MMS22L: variants seen among roughly 807,000 people sequenced by gnomAD.
MMS22L encodes MMS22 like, DNA repair protein.
A neutral mutation model predicts 159.1 loss-of-function variants in MMS22L; 74 were observed. The ratio of observed to expected loss-of-function variants is 0.47; its 90% confidence interval spans 0.39 to 0.56. The LOEUF is 0.56. Ranked by LOEUF, MMS22L falls within the 20% of genes least tolerant of loss-of-function variation. The probability of loss-of-function intolerance (pLI) is 0.00; values close to 1 mark genes in which losing one functional copy is unlikely to be tolerated. For synonymous variants in MMS22L, 517 were observed against 506.9 expected, an observed-to-expected ratio of 1.02 and a Z score of -0.27; for missense variants, 1,351 against 1,422.1, an observed-to-expected ratio of 0.95 and a Z score of 0.80.
intron 14 of MMS22L, among the ~76,000 whole-genome samples, chr6:97,211,822 A>G (rs763913970): frequency 2.0e-5 from 3 of 152,148 alleles, no homozygotes; most frequent in Non-Finnish European, 2.9e-5. Flanking sequence ...AAAGTTAATT[A>G]TTTTTATTAT....
Position 97,178,503 on chromosome 6 carries a change from G to T in MMS22L, c.2619C>A (p.Ala873=). The change falls in exon 18 of 25, where the codon GCC becomes GCA. Residue 873 remains alanine (A), a synonymous_variant. Transcript: ENST00000683635. ...CTGAGATGGATAAATATTCAACTTG[G>T]GCCTTTGAGAAAATACTCTTTACTT... ...LSEVKSIFSK[A]QVEYLSISED... The T allele has an allele frequency of 6.3e-7, 1 of 1,587,102 alleles. No individual in the cohort carries two copies. The highest frequency in any genetic ancestry group is 1.2e-5 in the South Asian group (1 of 86,692).
At chr6:97,265,162 G>A (rs945040881) in intron 8 of MMS22L, 3 of 152,168 alleles carry the variant, frequency 2.0e-5, no homozygotes, top group African/African-American at 4.8e-5. Flanking sequence ...CAAAGCTACA[G>A]TAATCAAAAC....
intron 14 of MMS22L, among the ~76,000 whole-genome samples, chr6:97,213,262 C>T (rs1022648313): frequency 6.6e-6 from 1 of 152,042 alleles, no homozygotes; most frequent in Non-Finnish European, 1.5e-5. Flanking sequence ...CAAAATTAGC[C>T]AGGCATGATG....
At chr6:97,254,451 A>AT (rs1813568592) in intron 10 of MMS22L, 106 bp downstream of exon 10, 3 of 801,140 alleles carry the variant, frequency 3.7e-6, no homozygotes, top group Non-Finnish European at 5.9e-6. Context: ...TATCTCTGTG[A>AT]TTGTAGTCTG....
upstream of MMS22L, chr6:97,283,291 C>G (rs944760701): frequency 4.6e-5 from 7 of 152,074 alleles, no homozygotes; most frequent in Non-Finnish European, 8.8e-5. Context: ...CGGAGCCCCA[C>G]GAATTCTCGC....
intron 11 of MMS22L, chr6:97,246,079 G>A: frequency 2.7e-6 from 1 of 376,410 alleles, no homozygotes; most frequent in Non-Finnish European, 5.1e-6. Flanking sequence ...TTAAAAATGT[G>A]ATGAACAGCA....
chr6:97,158,602 T>G (rs1163031622), intron 22 of MMS22L, among the ~76,000 whole-genome samples: 1 of 152,212 alleles, frequency 6.6e-6, no homozygotes, highest in Non-Finnish European at 1.5e-5. Flanking sequence ...TTGTTCAGTT[T>G]CCATGTAGTT....
intron 3 of MMS22L, among the ~76,000 whole-genome samples, chr6:97,279,310 C>T (rs528326410): frequency 7.9e-5 from 12 of 151,860 alleles, no homozygotes; most frequent in African/African-American, 1.4e-4. Flanking sequence ...GGTGAAACCC[C>T]GTCTCTACTA....
intron 11 of MMS22L, among the ~76,000 whole-genome samples, chr6:97,243,589 G>C (rs566123994): frequency 5.9e-5 from 9 of 152,188 alleles, no homozygotes; most frequent in Non-Finnish European, 1.2e-4. Flanking sequence ...TAGTAATTCA[G>C]AGATTTCTTC....
chr6:97,268,455 T>C (rs1260436657), intron 7 of MMS22L, among the ~76,000 whole-genome samples: 2 of 152,172 alleles, frequency 1.3e-5, no homozygotes, highest in African/African-American at 2.4e-5. Context: ...CCCAAAGTGC[T>C]GGGATTACAG....
intron 14 of MMS22L, among the ~76,000 whole-genome samples, chr6:97,190,324 T>A (rs1805736075): frequency 6.6e-6 from 1 of 152,036 alleles, no homozygotes; most frequent in South Asian, 2.1e-4. Flanking sequence ...AAAGGAAAAA[T>A]ATGTGATTTC....
Position 97,269,913 on chromosome 6 carries a change from C to A in MMS22L, c.686G>T (p.Gly229Val), listed in dbSNP as rs759302016. 13 of 1,606,556 alleles carry A rather than the reference C, an allele frequency of 8.1e-6. No homozygotes were observed. In the East Asian group the frequency reaches 2.2e-4, roughly 28 times the overall value. The stretch of plus-strand genomic sequence containing the variant: ...ATCCATAAACTTACTCAATTTTTCA[C>A]CCAGCATGTAAAGAATTTCTAGCAC... ...WLVLEILYML[G>V]EKLKQVVYGH... Residue 229 changes from glycine to valine, a missense_variant, in exon 7 of 25, where the codon GGT becomes GTT. Coordinates refer to ENST00000683635, the MANE Select transcript of MMS22L (RefSeq NM_001350599.2).
At chr6:97,201,949 C>A (rs190295454) in intron 14 of MMS22L, among the ~76,000 whole-genome samples, 16 of 152,122 alleles carry the variant, frequency 1.1e-4, no homozygotes, top group African/African-American at 3.9e-4. Flanking sequence ...TTAGCTTATT[C>A]CCTCGAACAA....
At chr6:97,263,662 T>G (rs1814742197) in intron 8 of MMS22L, 1 of 362,074 alleles carries the variant, frequency 2.8e-6, no homozygotes, top group African/African-American at 2.1e-5. Context: ...GATTTCAACT[T>G]AAAAAAAAAT....
chr6:97,277,814 C>T (rs1350017160), intron 4 of MMS22L, among the ~76,000 whole-genome samples: 1 of 152,170 alleles, frequency 6.6e-6, no homozygotes, highest in African/African-American at 2.4e-5. Flanking sequence ...TACTGACAAG[C>T]CCCAGCTTTT....
Position 97,282,311 on chromosome 6 carries a change from T to C in MMS22L, c.164+3A>G. 6.2e-7 allele frequency: 1 copy of C among 1,613,306 alleles called. No homozygotes were observed. Among genetic ancestry groups the C allele is most frequent in the Non-Finnish European group, 8.5e-7 (1 of 1,179,714 alleles). On this transcript the variant is annotated splice_donor_region_variant and intron_variant, in intron 2 of 24. Coordinates refer to ENST00000683635, the MANE Select transcript of MMS22L (RefSeq NM_001350599.2). ...AGGGAAAATGTCTCTGAGTTTTACC[T>C]ACCGCTTAAGGGCTCCGCTGCAGAG...
chr6:97,280,841 A>T (rs1047389944), intron 3 of MMS22L, among the ~76,000 whole-genome samples: 2 of 152,162 alleles, frequency 1.3e-5, no homozygotes, highest in African/African-American at 4.8e-5. Flanking sequence ...ATTTTTCATT[A>T]AAAAAATTTT....
chr6:97,147,147 G>A (rs1051875553), intron 24 of MMS22L, among the ~76,000 whole-genome samples: 10 of 151,994 alleles, frequency 6.6e-5, no homozygotes, highest in African/African-American at 1.2e-4. Flanking sequence ...TTAACCTTCC[G>A]AAATATTATA....
chr6:97,186,434 A>T, intron 15 of MMS22L, 63 bp downstream of exon 15: 1 of 1,414,784 alleles, frequency 7.1e-7, no homozygotes, highest in Non-Finnish European at 9.6e-7. Context: ...TAAGAAAATA[A>T]AGGAAAATAC....
Sources: allele counts gnomAD v4.1 joint callset (sites outside exome capture counted in the v4.1 genomes callset), GRCh38; gene constraint gnomAD v4.1.1; transcripts MANE v1.5; gene names NCBI Gene and HGNC (gene_info 2026-07-23, HGNC 2026-07-21).